TANC2: variants seen among roughly 807,000 people sequenced by gnomAD.
The protein encoded by TANC2 is protein TANC2.
Under a neutral mutation model 210.5 loss-of-function variants are expected in TANC2, and 26 were observed. That is an observed-to-expected ratio of 0.12 (90% confidence interval 0.09 to 0.17). The LOEUF is 0.17. Ranked by LOEUF, TANC2 falls within the 10% of genes least tolerant of loss-of-function variation. The pLI is 1.00. For missense variants in TANC2, 2,129 were observed against 2,608.9 expected (o/e 0.82, Z 4.01); for synonymous variants, 931 against 967.1 (o/e 0.96, Z 0.69).
In TANC2 at chr17:63,351,432, C is replaced by A; in HGVS notation, c.1974+16C>A. 6.4e-7 allele frequency: 1 copy of A among 1,558,560 alleles called. No homozygotes were observed. Among genetic ancestry groups the A allele is most frequent in the South Asian group, 1.2e-5 (1 of 80,954 alleles). ...CAGTTTACAGGTATGTGTTTGTTTG[C>A]TTTTAAACCATAAATGATTCCTCTT... On this transcript the variant is annotated intron_variant, in intron 13 of 27. Coordinates refer to ENST00000689528, the Ensembl canonical transcript of TANC2.
intron 4 of TANC2, among the ~76,000 whole-genome samples, chr17:63,139,773 A>G (rs1279298790): frequency 2.6e-5 from 4 of 152,242 alleles, no homozygotes; most frequent in Middle Eastern, 3.4e-3. Flanking sequence ...GTGTGGTGGC[A>G]TGCGCCTGTA....
intron 12 of TANC2, 109 bp downstream of exon 12, chr17:63,340,441 C>A: frequency 1.1e-6 from 1 of 893,650 alleles, no homozygotes; most frequent in Non-Finnish European, 1.7e-6. Flanking sequence ...ACTAAATGTT[C>A]CATAGCTGGA....
At chr17:63,128,962 A>T (rs1332588578) in intron 4 of TANC2, among the ~76,000 whole-genome samples, 1 of 152,170 alleles carries the variant, frequency 6.6e-6, no homozygotes, top group Non-Finnish European at 1.5e-5. Flanking sequence ...TTCTTGGTTC[A>T]GTTGCATACT....
At chr17:63,225,663 C>T (rs2042308855) in intron 7 of TANC2, among the ~76,000 whole-genome samples, 1 of 152,180 alleles carries the variant, frequency 6.6e-6, no homozygotes, top group African/African-American at 2.4e-5. Flanking sequence ...GGATATTATT[C>T]ATGACTGCAT....
chr17:63,362,598 C>T (rs184886579), intron 14 of TANC2, among the ~76,000 whole-genome samples: 3 of 152,362 alleles, frequency 2.0e-5, no homozygotes, highest in Non-Finnish European at 4.4e-5. Flanking sequence ...CTCCCATGCT[C>T]GTCAGCACCC....
intron 1 of TANC2, among the ~76,000 whole-genome samples, chr17:63,008,568 G>C (rs1414564898): frequency 6.6e-6 from 1 of 152,098 alleles, no homozygotes; most frequent in African/African-American, 2.4e-5. Context: ...TTTTGAACAA[G>C]ATAGACTAAA....
intron 5 of TANC2, among the ~76,000 whole-genome samples, chr17:63,185,933 G>A (rs1343839107): frequency 2.0e-5 from 3 of 151,984 alleles, no homozygotes; most frequent in South Asian, 2.1e-4. Flanking sequence ...GATTGACTTT[G>A]CCAATCTTTT....
At position 63,318,810 on chromosome 17, in the gene TANC2, A is replaced by G; in HGVS notation, c.1442-147A>G. 5 of 908,766 alleles carry G rather than the reference A, an allele frequency of 5.5e-6. No individual in the cohort carries two copies. The South Asian group carries it at 6.6e-5, about 12-fold the overall frequency. The allele number at this position is 908,766 out of a possible 1,614,324, so 56.3% of individuals were successfully genotyped here. A position where few individuals can be genotyped will look rare whatever the true frequency, so the allele number is the denominator to read the frequency against. ...GTTCTTCTGTGAACACTTGTGTACAAGTTTTTGGGTGGACATGTGTTTTTA... is the reference window on the plus strand; with the variant it reads ...GTTCTTCTGTGAACACTTGTGTACAGGTTTTTGGGTGGACATGTGTTTTTA... On this transcript the variant is annotated intron_variant, in intron 10 of 27. Transcript: ENST00000689528.
chr17:63,311,786 T>G (rs1334396809), intron 9 of TANC2, among the ~76,000 whole-genome samples: 3 of 152,232 alleles, frequency 2.0e-5, no homozygotes, highest in Non-Finnish European at 4.4e-5. Flanking sequence ...TGGAATATTA[T>G]TCAGCAATAA....
chr17:63,064,704 G>A (rs1203786887), intron 2 of TANC2, among the ~76,000 whole-genome samples: 1 of 151,448 alleles, frequency 6.6e-6, no homozygotes, highest in Non-Finnish European at 1.5e-5. Context: ...GGATTTTATT[G>A]TCTCTGGATA....
intron 2 of TANC2, among the ~76,000 whole-genome samples, chr17:63,043,408 T>G (rs1399406662): frequency 6.6e-6 from 1 of 152,108 alleles, no homozygotes; most frequent in African/African-American, 2.4e-5. Context: ...CATACATATA[T>G]AAACCCATAC....
At chr17:63,189,824 T>A (rs1231833023) in intron 5 of TANC2, among the ~76,000 whole-genome samples, 1 of 152,240 alleles carries the variant, frequency 6.6e-6, no homozygotes, top group African/African-American at 2.4e-5. Flanking sequence ...TAAGAAATCA[T>A]TGCCTAACCA....
intron 5 of TANC2, chr17:63,152,952 A>T (rs1333065897): frequency 1.3e-5 from 2 of 152,192 alleles, no homozygotes; most frequent in Non-Finnish European, 2.9e-5. Flanking sequence ...TATGATTTTT[A>T]GAAAGCAAGG....
intron 3 of TANC2, among the ~76,000 whole-genome samples, chr17:63,087,918 A>C (rs1294782800): frequency 6.6e-6 from 1 of 152,192 alleles, no homozygotes; most frequent in Non-Finnish European, 1.5e-5. Flanking sequence ...ATGTAAGAAG[A>C]GTTGTTGATT....
chr17:63,181,023 C>CAAAA (rs1171748208), intron 5 of TANC2, among the ~76,000 whole-genome samples: 5 of 30,644 alleles, frequency 1.6e-4, no homozygotes, highest in Admixed American at 1.2e-3. Context: ...GACTCCATCT[C>CAAAA]AAAAAAAAAA....
At chr17:63,073,669 T>G (rs1462016304) in intron 2 of TANC2, among the ~76,000 whole-genome samples, 1 of 152,156 alleles carries the variant, frequency 6.6e-6, no homozygotes, top group Non-Finnish European at 1.5e-5. Flanking sequence ...TTGATAACTT[T>G]CCTTCATTAT....
intron 7 of TANC2, among the ~76,000 whole-genome samples, chr17:63,234,150 T>C (rs540215995): frequency 2.6e-5 from 4 of 152,284 alleles, no homozygotes; most frequent in Admixed American, 2.0e-4. Context: ...TCCTAAAATA[T>C]TATAGAAAGC....
intron 12 of TANC2, among the ~76,000 whole-genome samples, chr17:63,345,538 G>T (rs2046373043): frequency 1.3e-5 from 2 of 148,458 alleles, no homozygotes; most frequent in Admixed American, 6.8e-5. Context: ...AGAATCACTT[G>T]AACCCGGGAG....
chr17:63,376,895 G>A (rs893760782), intron 14 of TANC2, among the ~76,000 whole-genome samples: 2 of 148,388 alleles, frequency 1.3e-5, no homozygotes, highest in African/African-American at 2.5e-5. Flanking sequence ...TCAGCTCACT[G>A]CAAGCTCCGC....
Sources: gnomAD v4.1 joint callset for allele counts (sites outside exome capture counted in the v4.1 genomes callset) on GRCh38, gnomAD v4.1.1 for gene constraint, MANE v1.5 for transcripts, NCBI Gene and HGNC (gene_info 2026-07-23, HGNC 2026-07-21) for gene names.